The following WDR70 variants were observed in gnomAD, a reference collection of about 807,000 sequenced individuals.
The protein encoded by WDR70 is WD repeat domain 70, also known as WD repeat-containing protein 70.
In WDR70, 53 loss-of-function variants were observed where a neutral mutation model predicts 88.6. The ratio of observed to expected loss-of-function variants is 0.60; its 90% confidence interval spans 0.48 to 0.75. WDR70 has a LOEUF of 0.75. Among genes scored for constraint, WDR70 ranks in the 30% least tolerant of loss-of-function variants. WDR70 has a pLI of 0.00. For missense variants in WDR70, 610 were observed against 823.2 expected (o/e 0.74, Z 3.17); for synonymous variants, 280 against 270.0 (o/e 1.04, Z -0.36).
chr5:37,412,727 G>A (rs1749563847), intron 5 of WDR70, among the ~76,000 whole-genome samples: 1 of 152,176 alleles, frequency 6.6e-6, no homozygotes, highest in African/African-American at 2.4e-5. Context: ...CTTCTGGTCT[G>A]AGGCATCTCA....
intron 10 of WDR70, among the ~76,000 whole-genome samples, chr5:37,678,497 G>T (rs1746308010): frequency 6.6e-6 from 1 of 152,054 alleles, no homozygotes; most frequent in East Asian, 1.9e-4. Flanking sequence ...ATGAAGCTTA[G>T]TTTGGCTGGA....
At chr5:37,483,357 G>A (rs991918884) in intron 8 of WDR70, among the ~76,000 whole-genome samples, 14 of 151,880 alleles carry the variant, frequency 9.2e-5, no homozygotes, top group Admixed American at 2.6e-4. Context: ...ATCTTGCACC[G>A]CCCTTAATCC....
intron 8 of WDR70, among the ~76,000 whole-genome samples, chr5:37,489,814 C>CT (rs1740010751): frequency 6.6e-6 from 1 of 151,462 alleles, no homozygotes; most frequent in Admixed American, 6.6e-5. Flanking sequence ...TATTATTATA[C>CT]TTTAAGTTTT....
At chr5:37,511,949 T>C (rs1027286177) in intron 8 of WDR70, among the ~76,000 whole-genome samples, 1 of 152,224 alleles carries the variant, frequency 6.6e-6, no homozygotes, top group Non-Finnish European at 1.5e-5. Flanking sequence ...ACTGAGAATA[T>C]GTACTAGGTT....
chr5:37,527,777 AACTT>A (rs1443450201), intron 9 of WDR70, among the ~76,000 whole-genome samples: 5 of 152,234 alleles, frequency 3.3e-5, no homozygotes, highest in Non-Finnish European at 5.9e-5. Flanking sequence ...AACTCAAAGA[AACTT>A]ACAAGAAAAA....
At chr5:37,583,253 C>T (rs1258126181) in intron 9 of WDR70, among the ~76,000 whole-genome samples, 1 of 152,038 alleles carries the variant, frequency 6.6e-6, no homozygotes, top group African/African-American at 2.4e-5. Flanking sequence ...CGTGAAACCC[C>T]TTCTCTACTA....
At position 37,701,101 on chromosome 5, in the gene WDR70, A is replaced by G. The variant is rs148754953; in HGVS notation, c.1236A>G (p.Lys412=). 2.0e-4 allele frequency: 327 copies of G among 1,612,750 alleles called. 1 individual carries two copies. In the African/African-American group the frequency reaches 4.2e-3, roughly 21 times the overall value. Residue 412 remains lysine, a synonymous_variant, in exon 12 of 18, where the codon AAA becomes AAG. Coordinates refer to ENST00000265107, the MANE Select transcript of WDR70 (RefSeq NM_018034.4). The part of the protein sequence containing the change: ...LKLWDIRQFN[K]PLFSASGLPT... ...TATGGGACATCCGACAATTTAATAA[A>G]CCACTTTTTTCAGCCTCGGGTCTTC...
rs140684256 is a variant in WDR70, at chr5:37,506,892, C to T, written c.841-9622C>T. ...CCCCGGTGGGTCCTGAGTGAGCCAC[C>T]ACCCTCCCACTTGGTCCTCCTCCCA... is the stretch of plus-strand genomic sequence containing the variant. On this transcript the variant is annotated intron_variant, in intron 8 of 17. Transcript: ENST00000265107. 1.1e-4 allele frequency: 119 copies of T among 1,046,122 alleles called. No individual in the cohort carries two copies. The African/African-American group carries it at 1.7e-3, about 15-fold the overall frequency. 64.8% of individuals were successfully genotyped at this position (1,046,122 alleles called of 1,614,324 possible). A position where few individuals can be genotyped will look rare whatever the true frequency, so the allele number is the denominator to read the frequency against.
intron 10 of WDR70, among the ~76,000 whole-genome samples, chr5:37,627,535 C>A (rs1197188564): frequency 6.6e-6 from 1 of 151,822 alleles, no homozygotes; most frequent in African/African-American, 2.4e-5. Context: ...TATTTGAAAT[C>A]TTTTTATTTT....
At chr5:37,533,783 G>C (rs112428657) in intron 9 of WDR70, among the ~76,000 whole-genome samples, 3 of 152,054 alleles carry the variant, frequency 2.0e-5, no homozygotes, top group African/African-American at 7.2e-5. Context: ...CCAGGGAAGT[G>C]GGGGAAAGCC....
At chr5:37,545,227 CTCAGTCTTTCCT>C (rs1741949317) in intron 9 of WDR70, among the ~76,000 whole-genome samples, 1 of 151,834 alleles carries the variant, frequency 6.6e-6, no homozygotes, top group Non-Finnish European at 1.5e-5. Context: ...GTAGAAATAC[CTCAGTCTTTCCT>C]TCAGTTTTCT....
chr5:37,742,436 A>T (rs1180819243), intron 17 of WDR70, among the ~76,000 whole-genome samples: 2 of 151,892 alleles, frequency 1.3e-5, no homozygotes, highest in Admixed American at 6.6e-5. Flanking sequence ...CATTTAAAAA[A>T]TTTTTTTATT....
chr5:37,589,909 G>T (rs1037721174), intron 9 of WDR70, among the ~76,000 whole-genome samples: 1 of 152,036 alleles, frequency 6.6e-6, no homozygotes, highest in African/African-American at 2.4e-5. Flanking sequence ...ACTTCTTGCT[G>T]CTTGATTTAA....
chr5:37,421,208 A>G (rs767388095), intron 5 of WDR70, among the ~76,000 whole-genome samples: 1 of 152,170 alleles, frequency 6.6e-6, no homozygotes, highest in Non-Finnish European at 1.5e-5. Context: ...GTGCTTAACC[A>G]TTATGCCCTA....
At chr5:37,469,617 A>G (rs1361317180) in intron 7 of WDR70, among the ~76,000 whole-genome samples, 1 of 152,196 alleles carries the variant, frequency 6.6e-6, no homozygotes. Flanking sequence ...TGCTTGAGTC[A>G]TGTAATTGCA....
chr5:37,626,132 G>A (rs1380332690), intron 10 of WDR70, among the ~76,000 whole-genome samples: 1 of 151,124 alleles, frequency 6.6e-6, no homozygotes, highest in East Asian at 1.9e-4. Flanking sequence ...TTGCCTAATT[G>A]CTCTGGTTAG....
intron 8 of WDR70, among the ~76,000 whole-genome samples, chr5:37,510,299 A>G (rs1740685911): frequency 6.6e-6 from 1 of 151,720 alleles, no homozygotes; most frequent in Admixed American, 6.6e-5. Flanking sequence ...CCACCTTCCT[A>G]TCCCACCTGT....
At chr5:37,676,007 G>A (rs150573909) in intron 10 of WDR70, among the ~76,000 whole-genome samples, 34,860 of 148,006 alleles carry the variant, frequency 0.24, 4,726 homozygotes, top group Admixed American at 0.37. Context: ...TTGTGAATGG[G>A]AGTTCACTCA....
At chr5:37,432,457 C>T (rs974570110) in intron 5 of WDR70, among the ~76,000 whole-genome samples, 10 of 152,128 alleles carry the variant, frequency 6.6e-5, no homozygotes, top group Admixed American at 2.6e-4. Context: ...GGCGTGATCT[C>T]GGCTCACTGC....
Sources: gnomAD v4.1 joint callset for allele counts (sites outside exome capture counted in the v4.1 genomes callset) on GRCh38, gnomAD v4.1.1 for gene constraint, MANE v1.5 for transcripts, NCBI Gene and HGNC (gene_info 2026-07-23, HGNC 2026-07-21) for gene names.